KCNQ1: variants seen among roughly 807,000 people sequenced by gnomAD.
KCNQ1 encodes the protein potassium voltage-gated channel subfamily Q member 1, also known as potassium voltage-gated channel subfamily KQT member 1.
Under a neutral mutation model 72.4 loss-of-function variants are expected in KCNQ1, and 49 were observed. That is an observed-to-expected ratio of 0.68 (90% CI 0.54 to 0.86). The LOEUF (loss-of-function observed/expected upper bound fraction) is 0.86. KCNQ1 is among the 40% of genes least tolerant of loss of function. The pLI is 0.00. For synonymous variants in KCNQ1, 450 were observed against 412.6 expected (o/e 1.09, Z -1.10); for missense variants, 790 against 945.1 (o/e 0.84, Z 2.15).
rs1564910718 is a variant in KCNQ1, at chr11:2,835,423, A to ACACG, written c.1795-12341_1795-12340insGCAC. 1.1e-4 allele frequency among the ~76,000 whole-genome samples: 16 copies of ACACG among 151,862 alleles called. No homozygotes were observed. The East Asian group carries it at 2.1e-3, about 20-fold the overall frequency. On this transcript the variant is annotated intron_variant, in intron 15 of 15. Coordinates refer to ENST00000155840, the MANE Select transcript of KCNQ1 (RefSeq NM_000218.3). ...CACACACACACACACACACACACAC[A>ACACG]CACACGCACACATGCAGGCCAGGCT...
At chr11:2,632,241 T>A in intron 10 of KCNQ1, 2 of 397,728 alleles carry the variant, frequency 5.0e-6, no homozygotes, top group Non-Finnish European at 8.9e-6. Context: ...CTTACTATCC[T>A]GCTACTTTGC....
In KCNQ1 at chr11:2,695,470, G is replaced by A. The variant is rs777151157; in HGVS notation, c.1514+33389G>A. 12 of 398,540 alleles carry A rather than the reference G, an allele frequency of 3.0e-5. No homozygotes were observed. Among genetic ancestry groups the A allele is most frequent in the Admixed American group, 4.4e-5 (1 of 22,718 alleles). The allele number at this position is 398,540 out of a possible 1,614,324, so 24.7% of individuals were successfully genotyped here. Reference sequence around the variant, plus strand: ...GTCACTCAGCACTGTGTTTCCACGCGTCTCTATCTTGTGAAGTGTACATCT... The same window carrying A: ...GTCACTCAGCACTGTGTTTCCACGCATCTCTATCTTGTGAAGTGTACATCT... On this transcript the variant is annotated intron_variant, in intron 11 of 15. Coordinates refer to ENST00000155840, the MANE Select transcript of KCNQ1 (RefSeq NM_000218.3). The surrounding 1 kb of genome is among the most constrained non-coding windows in gnomAD (Gnocchi z 5.2).
At chr11:2,522,396 G>A (rs979418517) in intron 1 of KCNQ1, among the ~76,000 whole-genome samples, 1 of 152,146 alleles carries the variant, frequency 6.6e-6, no homozygotes, top group African/African-American at 2.4e-5. Flanking sequence ...CTGCAGAGTG[G>A]GGGGCTGTGA....
rs1305016993 is a variant in KCNQ1 at position 2,787,546 on chromosome 11, C to CT, written c.1794+9515dup. ...ATCATTTTAAATTTTCTAATAGCCA[C>CT]TTTTTTAATTTAAAAGAAATAAGTA... is the stretch of plus-strand genomic sequence containing the variant. On this transcript the variant is annotated intron_variant, in intron 15 of 15. Coordinates refer to ENST00000155840, the MANE Select transcript of KCNQ1 (RefSeq NM_000218.3). This position sits in a 1 kb window ranked among gnomAD's most constrained non-coding sequence, Gnocchi z 6.3. Among the ~76,000 whole-genome samples, 2 of 152,110 alleles carry CT rather than the reference C, an allele frequency of 1.3e-5. No individual in the cohort carries two copies. The highest frequency in any genetic ancestry group is 2.9e-5 in the Non-Finnish European group (2 of 68,018).
chr11:2,776,315 C>T (rs915527523), intron 13 of KCNQ1, among the ~76,000 whole-genome samples: 8 of 152,088 alleles, frequency 5.3e-5, no homozygotes, highest in African/African-American at 1.4e-4. Flanking sequence ...GTAGGGGAGG[C>T]GCGTAGGGGA....
chr11:2,635,005 C>T (rs1422944426), intron 10 of KCNQ1: 1 of 152,146 alleles, frequency 6.6e-6, no homozygotes, highest in African/African-American at 2.4e-5. Context: ...TGTTCATAAC[C>T]TTTGCCCACT....
At position 2,818,474 on chromosome 11, in the gene KCNQ1, C is replaced by T. The variant is rs563971664; in HGVS notation, c.1795-29293C>T. Reference sequence around the variant, plus strand: ...TCAGAGGAAGAGCAAGGGTAGGTGCCTCTGGCATGAGCCAGATGATGGGAG... The same window carrying T: ...TCAGAGGAAGAGCAAGGGTAGGTGCTTCTGGCATGAGCCAGATGATGGGAG... On this transcript the variant is annotated intron_variant, in intron 15 of 15. Transcript: ENST00000155840. The surrounding 1 kb of genome is among the most constrained non-coding windows in gnomAD (Gnocchi z 7.2). Among the ~76,000 whole-genome samples, 1 of 152,296 alleles carries T rather than the reference C, an allele frequency of 6.6e-6. No homozygotes were observed. Among genetic ancestry groups the T allele is most frequent in the East Asian group, 1.9e-4 (1 of 5,186 alleles).
At chr11:2,655,578 G>A in intron 10 of KCNQ1, 1 of 398,674 alleles carries the variant, frequency 2.5e-6, no homozygotes, top group Non-Finnish European at 4.4e-6. Flanking sequence ...CACTTCAGAG[G>A]TGGGGGTGAC....
intron 11 of KCNQ1, among the ~76,000 whole-genome samples, chr11:2,732,171 CCT>C (rs1374999724): frequency 5.3e-5 from 8 of 152,258 alleles, no homozygotes; most frequent in African/African-American, 7.2e-5. Context: ...CCAGGCAGTG[CCT>C]CTCAGCCTTC....
chr11:2,798,518 T>C (rs369669007), intron 15 of KCNQ1, among the ~76,000 whole-genome samples: 2 of 151,222 alleles, frequency 1.3e-5, no homozygotes, highest in South Asian at 2.1e-4. Context: ...AACTAATTCA[T>C]TGGTGATGGC....
In KCNQ1 at chr11:2,682,585, A is replaced by C. The variant is rs1850417642; in HGVS notation, c.1514+20504A>C. 1 of 398,600 alleles carries C rather than the reference A, an allele frequency of 2.5e-6. No individual in the cohort carries two copies. Among genetic ancestry groups the C allele is most frequent in the Non-Finnish European group, 4.4e-6 (1 of 226,094 alleles). The allele number at this position is 398,600 out of a possible 1,614,324, so 24.7% of individuals were successfully genotyped here. A position where few individuals can be genotyped will look rare whatever the true frequency, so the allele number is the denominator to read the frequency against. ...GCTATGCTGGGGTTCAGGCAACCCA[A>C]GGCTGGTCTGGAGAGTGTAAGGCTT... On this transcript the variant is annotated intron_variant, in intron 11 of 15. Transcript: ENST00000155840. This position sits in a 1 kb window ranked among gnomAD's most constrained non-coding sequence, Gnocchi z 5.8.
intron 15 of KCNQ1, among the ~76,000 whole-genome samples, chr11:2,811,993 C>A (rs747456697): frequency 6.6e-6 from 1 of 152,148 alleles, no homozygotes; most frequent in Non-Finnish European, 1.5e-5. Context: ...GCAGCCCCAC[C>A]GGCTGTGCCG....
chr11:2,521,443 CT>C (rs1564805159), intron 1 of KCNQ1: 1 of 459,984 alleles, frequency 2.2e-6, no homozygotes, highest in Non-Finnish European at 4.6e-6. Flanking sequence ...ACTGACAAAA[CT>C]CTTCAAGTAT....
chr11:2,583,427 C>T lies in KCNQ1; in HGVS notation c.922-8C>T. On this transcript the variant is annotated splice_region_variant and splice_polypyrimidine_tract_variant and intron_variant, in intron 6 of 15. Coordinates refer to ENST00000155840, the MANE Select transcript of KCNQ1 (RefSeq NM_000218.3). ...ATCCGTGGCTGACCACTGTCCCTCT[C>T]CCTGCAGGTCACAGTCACCACCATC... The T allele has an allele frequency of 6.2e-7, 1 of 1,604,292 alleles. No individual in the cohort carries two copies. Among genetic ancestry groups the T allele is most frequent in the South Asian group, 1.1e-5 (1 of 90,900 alleles).
chr11:2,678,913 T>C lies in KCNQ1; in HGVS notation c.1514+16832T>C, dbSNP rs900862020. The C allele has an allele frequency of 2.0e-5, 8 of 398,476 alleles. No individual in the cohort carries two copies. The highest frequency in any genetic ancestry group is 1.6e-4 in the African/African-American group (8 of 48,594). The allele number at this position is 398,476 out of a possible 1,614,324, so 24.7% of individuals were successfully genotyped here. A position where few individuals can be genotyped will look rare whatever the true frequency, so the allele number is the denominator to read the frequency against. On this transcript the variant is annotated intron_variant, in intron 11 of 15. Coordinates refer to ENST00000155840, the MANE Select transcript of KCNQ1 (RefSeq NM_000218.3). This position sits in a 1 kb window ranked among gnomAD's most constrained non-coding sequence, Gnocchi z 4.9. ...ATTTCGTATACATGTATGATCATAC[T>C]TTCAGGGCATCTTGGAAAAACTGAA...
Position 2,677,338 on chromosome 11 carries a change from T to A in KCNQ1, c.1514+15257T>A. 1 of 398,568 alleles carries A rather than the reference T, an allele frequency of 2.5e-6. No individual in the cohort carries two copies. Among genetic ancestry groups the A allele is most frequent in the Non-Finnish European group, 4.4e-6 (1 of 226,040 alleles). 24.7% of individuals were successfully genotyped at this position (398,568 alleles called of 1,614,324 possible). On this transcript the variant is annotated intron_variant, in intron 11 of 15. Transcript: ENST00000155840. The surrounding 1 kb of genome is among the most constrained non-coding windows in gnomAD (Gnocchi z 4.5). ...AAATGATGTCAAATGATTTCTCAAA[T>A]AGAGACTGGGCAGAGTAGACCAGTT...
At position 2,588,591 on chromosome 11, in the gene KCNQ1, C is replaced by T; in HGVS notation, c.1252-122C>T. ...CTGGAGCTGGCCCCAGGCCTCAGGTCCCTGTCCGGGTGTATGTGGCGGGGG... is the reference window on the plus strand; with the variant it reads ...CTGGAGCTGGCCCCAGGCCTCAGGTTCCTGTCCGGGTGTATGTGGCGGGGG... On this transcript the variant is annotated intron_variant, in intron 9 of 15. Coordinates refer to ENST00000155840, the MANE Select transcript of KCNQ1 (RefSeq NM_000218.3). The surrounding 1 kb of genome is among the most constrained non-coding windows in gnomAD (Gnocchi z 5.6). 1 of 1,231,064 alleles carries T rather than the reference C, an allele frequency of 8.1e-7. No individual in the cohort carries two copies. Among genetic ancestry groups the T allele is most frequent in the Non-Finnish European group, 1.2e-6 (1 of 856,252 alleles). The allele number at this position is 1,231,064 out of a possible 1,614,324, so 76.3% of individuals were successfully genotyped here.
At chr11:2,656,754 G>T (rs929108717) in intron 10 of KCNQ1, 12 of 398,336 alleles carry the variant, frequency 3.0e-5, no homozygotes, top group Non-Finnish European at 4.9e-5. Flanking sequence ...TCTCTCTCAT[G>T]GTTATTGCTT....
rs1240951756 is a variant in KCNQ1 at position 2,735,307 on chromosome 11, G to C, written c.1515-33537G>C. Among the ~76,000 whole-genome samples, 1 of 152,056 alleles carries C rather than the reference G, an allele frequency of 6.6e-6. No homozygotes were observed. Among genetic ancestry groups the C allele is most frequent in the African/African-American group, 2.4e-5 (1 of 41,408 alleles). On this transcript the variant is annotated intron_variant, in intron 11 of 15. Coordinates refer to ENST00000155840, the MANE Select transcript of KCNQ1 (RefSeq NM_000218.3). The surrounding 1 kb of genome is among the most constrained non-coding windows in gnomAD (Gnocchi z 7.7). The stretch of plus-strand genomic sequence containing the variant: ...CAGAGATGCCTGGGGCCCTGGGGTG[G>C]GAGGTGGGGACAGGCTAATGGCAAT...
Sources: gnomAD v4.1 joint callset for allele counts (sites outside exome capture counted in the v4.1 genomes callset) on GRCh38, gnomAD v4.1.1 for gene constraint, Gnocchi (gnomAD v3.1) non-coding constraint, MANE v1.5 for transcripts, NCBI Gene and HGNC (gene_info 2026-07-23, HGNC 2026-07-21) for gene names.